PCDH15: variants seen among roughly 807,000 people sequenced by gnomAD.
PCDH15 encodes the protein protocadherin-15.
In PCDH15, 129 loss-of-function variants were observed where a neutral mutation model predicts 178.5. The ratio of observed to expected loss-of-function variants is 0.72; its 90% CI spans 0.63 to 0.84. The LOEUF (loss-of-function observed/expected upper bound fraction) is 0.84. PCDH15 is among the 40% of genes least tolerant of loss of function. The pLI, the probability that PCDH15 is intolerant of heterozygous loss-of-function variation, is 0.00. For missense variants in PCDH15, 2,230 were observed against 2,099.9 expected (o/e 1.06, Z -1.21); for synonymous variants, 800 against 732.0 (o/e 1.09, Z -1.50).
At chr10:53,845,505 G>A (rs1245851399) in intron 28 of PCDH15, among the ~76,000 whole-genome samples, 1 of 151,634 alleles carries the variant, frequency 6.6e-6, no homozygotes, top group Non-Finnish European at 1.5e-5. Context: ...AGTGGATAAA[G>A]CAAATACAGT....
At chr10:54,172,261 T>C (rs1229613192) in intron 13 of PCDH15, among the ~76,000 whole-genome samples, 3 of 152,086 alleles carry the variant, frequency 2.0e-5, no homozygotes, top group Non-Finnish European at 4.4e-5. Context: ...GTCCTTTTCC[T>C]GGCTCATCCT....
intron 8 of PCDH15, among the ~76,000 whole-genome samples, chr10:54,273,617 T>C (rs2132543123): frequency 6.6e-6 from 1 of 152,180 alleles, no homozygotes; most frequent in East Asian, 1.9e-4. Context: ...AAAAACAACT[T>C]ACTAGTTTTA....
chr10:53,811,751 C>A, intron 35 of PCDH15, 132 bp from the exon 36 acceptor site: 1 of 494,440 alleles, frequency 2.0e-6, no homozygotes. Context: ...ATACAAGTGT[C>A]AGTTAAAGCA....
chr10:54,968,905 C>A (rs1564674342), intron 2 of PCDH15, among the ~76,000 whole-genome samples: 1 of 152,008 alleles, frequency 6.6e-6, no homozygotes, highest in Non-Finnish European at 1.5e-5. Flanking sequence ...TTTTGTTAAT[C>A]TGTTAATCCT....
chr10:54,724,868 C>T (rs930313706), intron 1 of PCDH15, among the ~76,000 whole-genome samples: 29 of 150,154 alleles, frequency 1.9e-4, no homozygotes, highest in Non-Finnish European at 2.8e-4. Context: ...GGGGATTGGG[C>T]TTCTACTCTA....
intron 3 of PCDH15, among the ~76,000 whole-genome samples, chr10:54,413,814 T>TGA (rs1455236399): frequency 5.9e-5 from 9 of 152,282 alleles, no homozygotes; most frequent in African/African-American, 2.2e-4. Flanking sequence ...TTCTGAGTTA[T>TGA]TTCACATACG....
intron 2 of PCDH15, among the ~76,000 whole-genome samples, chr10:55,432,858 T>G (rs1471247176): frequency 1.3e-5 from 2 of 151,696 alleles, no homozygotes; most frequent in Non-Finnish European, 2.9e-5. Context: ...TCTCCTGACC[T>G]CGTGATCCGC....
chr10:54,198,587 C>T lies in PCDH15; in HGVS notation c.1099-2698G>A, dbSNP rs570577378. Among the ~76,000 whole-genome samples the T allele has an allele frequency of 3.2e-4, 26 of 80,584 alleles. No individual in the cohort carries two copies. The South Asian group carries it at 9.6e-3, about 30-fold the overall frequency. 52.9% of individuals were successfully genotyped at this position (80,584 alleles called of 152,430 possible). ...CGGGATCTCGGCTCACTGCAAGCTC[C>T]GCCTCCCGGGTTCACGCCATTCTCC... On this transcript the variant is annotated intron_variant, in intron 10 of 37. Transcript: ENST00000644397.
At chr10:54,147,918 G>A (rs2044149885) in intron 14 of PCDH15, among the ~76,000 whole-genome samples, 1 of 151,926 alleles carries the variant, frequency 6.6e-6, no homozygotes, top group Non-Finnish European at 1.5e-5. Context: ...TACTAGGGGA[G>A]TGGAAGTGGG....
intron 23 of PCDH15, among the ~76,000 whole-genome samples, chr10:53,952,887 G>T (rs1187952496): frequency 3.3e-5 from 5 of 152,266 alleles, no homozygotes. Flanking sequence ...CAATGCTCGG[G>T]GCTTGATGAC....
chr10:53,912,164 T>C (rs1167635135), intron 25 of PCDH15, among the ~76,000 whole-genome samples: 2 of 152,082 alleles, frequency 1.3e-5, no homozygotes, highest in African/African-American at 2.4e-5. Context: ...ATAAACGTAA[T>C]CCATCACATA....
chr10:54,323,845 T>C (rs1342303), intron 7 of PCDH15, among the ~76,000 whole-genome samples: 38,294 of 151,998 alleles, frequency 0.25, 5,262 homozygotes, highest in African/African-American at 0.37. Flanking sequence ...AAAAAAATAA[T>C]GCTTCTATGA....
intron 12 of PCDH15, among the ~76,000 whole-genome samples, chr10:54,184,345 C>T (rs1329134118): frequency 6.6e-6 from 1 of 151,936 alleles, no homozygotes. Context: ...TCATCTTTCT[C>T]CTGTGACTGA....
chr10:55,100,800 T>C lies in PCDH15; in HGVS notation c.-80+65776A>G, dbSNP rs1419486654. On this transcript the variant is annotated intron_variant, in intron 2 of 5. Coordinates refer to the PCDH15 transcript ENST00000458638. The stretch of plus-strand genomic sequence containing the variant: ...CCCACCTCCAACAGTGAGGATCAAA[T>C]TTTGACATGAGTTTTGGAGGGGAAA... Among the ~76,000 whole-genome samples, 3 of 152,096 alleles carry C rather than the reference T, an allele frequency of 2.0e-5. No homozygotes were observed. The East Asian group carries it at 5.8e-4, about 29-fold the overall frequency.
intron 1 of PCDH15, among the ~76,000 whole-genome samples, chr10:54,704,551 C>T (rs1288294281): frequency 6.6e-6 from 1 of 152,134 alleles, no homozygotes; most frequent in Non-Finnish European, 1.5e-5. Context: ...AGAAGACATA[C>T]ATGCAGCTAA....
At chr10:55,460,497 G>T (rs1356211575) in intron 2 of PCDH15, among the ~76,000 whole-genome samples, 1 of 152,098 alleles carries the variant, frequency 6.6e-6, no homozygotes, top group Admixed American at 6.6e-5. Context: ...CATCTAATCT[G>T]CTGTTTATCC....
intron 9 of PCDH15, among the ~76,000 whole-genome samples, chr10:54,232,584 A>T (rs913763096): frequency 6.6e-6 from 1 of 152,136 alleles, no homozygotes; most frequent in Non-Finnish European, 1.5e-5. Context: ...GTCTACCCCA[A>T]TTTTTTATTT....
At chr10:55,011,919 C>T (rs11004674) in intron 2 of PCDH15, among the ~76,000 whole-genome samples, 80,205 of 151,864 alleles carry the variant, frequency 0.53, 22,222 homozygotes, top group East Asian at 0.75. Flanking sequence ...AAAACTAAGG[C>T]GAGAAATCAA....
intron 1 of PCDH15, among the ~76,000 whole-genome samples, chr10:55,198,024 C>CTG (rs1840142443): frequency 1.3e-5 from 2 of 151,992 alleles, no homozygotes; most frequent in African/African-American, 2.4e-5. Flanking sequence ...CTGTGTTCTG[C>CTG]CTCAGGAGGT....
Sources: gnomAD v4.1 joint callset for allele counts (sites outside exome capture counted in the v4.1 genomes callset) on GRCh38, gnomAD v4.1.1 for gene constraint, MANE v1.5 for transcripts, NCBI Gene and HGNC (gene_info 2026-07-23, HGNC 2026-07-21) for gene names.